Variants in DIO2 observed in about 807,000 individuals in gnomAD.
The protein encoded by DIO2 is iodothyronine deiodinase 2, also known as type II iodothyronine deiodinase.
A neutral mutation model predicts 21.4 loss-of-function variants in DIO2; 19 were observed. The observed-to-expected ratio is 0.89, with a 90% CI of 0.62 to 1.30. DIO2 has a LOEUF of 1.30. Among genes scored for constraint, DIO2 ranks in the 50% most tolerant of loss-of-function variants. The pLI, the probability that DIO2 is intolerant of heterozygous loss-of-function variation, is 0.00. For synonymous variants in DIO2, 122 were observed against 132.9 expected (o/e 0.92, Z 0.57); for missense variants, 302 against 338.1 (o/e 0.89, Z 0.84).
In DIO2 at chr14:80,207,969, C is replaced by A. The variant is rs530777541; in HGVS notation, c.222+3282G>T. On this transcript the variant is annotated intron_variant, in intron 1 of 1. Transcript: ENST00000438257. ...GGAGGAGGAGAATGTTAAAGAGACC[C>A]TTTCAAAACCAAAATTATATGTTCA... 2.0e-5 allele frequency among the ~76,000 whole-genome samples: 3 copies of A among 152,290 alleles called. No homozygotes were observed. The South Asian group carries it at 6.2e-4, about 32-fold the overall frequency.
intron 2 of DIO2, among the ~76,000 whole-genome samples, chr14:80,217,246 G>A (rs936804893): frequency 1.3e-5 from 2 of 152,186 alleles, no homozygotes; most frequent in Middle Eastern, 3.2e-3. Flanking sequence ...ACCAAGGGAG[G>A]TTATGAAAAT....
At chr14:80,221,337 T>A (rs572015027) in intron 2 of DIO2, among the ~76,000 whole-genome samples, 2 of 152,302 alleles carry the variant, frequency 1.3e-5, no homozygotes, top group South Asian at 2.1e-4. Context: ...GAAATAGAAA[T>A]TTTTCTCCAT....
intron 2 of DIO2, among the ~76,000 whole-genome samples, chr14:80,218,112 A>T: frequency 6.6e-6 from 1 of 152,222 alleles, no homozygotes; most frequent in East Asian, 1.9e-4. Context: ...TTCAATATAA[A>T]AAAAATCTTG....
chr14:80,216,166 G>T (rs1285934045), upstream of DIO2: 1 of 152,132 alleles, frequency 6.6e-6, no homozygotes, highest in Admixed American at 6.5e-5. Flanking sequence ...AAGACAGAGG[G>T]GGAGAAAAAG....
chr14:80,220,136 G>A (rs1240874861), intron 2 of DIO2, among the ~76,000 whole-genome samples: 1 of 151,892 alleles, frequency 6.6e-6, no homozygotes. Flanking sequence ...GTGCAGTGGC[G>A]CGATCTTGGC....
Position 80,211,328 on chromosome 14 carries a change from C to A in DIO2, c.145G>T (p.Gly49Ter). The part of the protein sequence containing the change: ...LLLSRSKSTR[G>*]EWRRMLTSEG... The stretch of plus-strand genomic sequence containing the variant: ...GAGGTCAGCATGCGCCGCCACTCTC[C>A]GCGAGTGGACTTGGAGCGGCTCAAC... Residue 49 changes from glycine to a stop codon, truncating the protein, a stop_gained, in exon 1 of 2, where the codon GGA becomes TGA. Coordinates refer to ENST00000438257, the MANE Select transcript of DIO2 (RefSeq NM_013989.5). LOFTEE classifies it high-confidence loss of function. 6.2e-7 allele frequency: 1 copy of A among 1,613,698 alleles called. No homozygotes were observed. Among genetic ancestry groups the A allele is most frequent in the Non-Finnish European group, 8.5e-7 (1 of 1,179,866 alleles).
upstream of DIO2, among the ~76,000 whole-genome samples, chr14:80,214,514 T>A (rs1256412131): frequency 6.6e-6 from 1 of 152,044 alleles, no homozygotes; most frequent in Non-Finnish European, 1.5e-5. Context: ...TGAAGGGAAT[T>A]TTTTTTTAAA....
chr14:80,224,109 A>G (rs10133463), intron 2 of DIO2, among the ~76,000 whole-genome samples: 24,122 of 152,126 alleles, frequency 0.16, 2,641 homozygotes, highest in East Asian at 0.31. Flanking sequence ...GTAGCATTAA[A>G]TCATGTAATC....
intron 1 of DIO2, among the ~76,000 whole-genome samples, chr14:80,209,167 G>T (rs912453925): frequency 6.6e-6 from 1 of 152,058 alleles, no homozygotes; most frequent in African/African-American, 2.4e-5. Context: ...AGACGTATTT[G>T]TTTGCTTTTC....
chr14:80,211,488 A>G lies in DIO2; in HGVS notation c.-16T>C. The G allele has an allele frequency of 6.9e-7, 1 of 1,439,862 alleles. No homozygotes were observed. Among genetic ancestry groups the G allele is most frequent in the Non-Finnish European group, 9.3e-7 (1 of 1,073,248 alleles). The allele number at this position is 1,439,862 out of a possible 1,614,324, so 89.2% of individuals were successfully genotyped here. A position where few individuals can be genotyped will look rare whatever the true frequency, so the allele number is the denominator to read the frequency against. On this transcript the variant is annotated 5_prime_UTR_variant, in exon 1 of 2. Coordinates refer to ENST00000438257, the MANE Select transcript of DIO2 (RefSeq NM_013989.5). ...GGATGCCCATCTTCTCTGCCTCCTG[A>G]GTCAGTTCCCTTGTGCGCTCTGGTT...
chr14:80,221,301 C>T (rs1888459903), intron 2 of DIO2, among the ~76,000 whole-genome samples: 1 of 152,160 alleles, frequency 6.6e-6, no homozygotes, highest in Non-Finnish European at 1.5e-5. Flanking sequence ...TGACAATCAT[C>T]TGTCAAGCTA....
At chr14:80,215,865 C>T (rs1390741840), upstream of DIO2, 1 of 152,272 alleles carries the variant, frequency 6.6e-6, no homozygotes, top group Non-Finnish European at 1.5e-5. Flanking sequence ...ACTCAAAATT[C>T]CCTGTGGGCC....
Position 80,198,625 on chromosome 14 carries a change from C to G in DIO2, c.*4064G>C, listed in dbSNP as rs1490527931. The stretch of plus-strand genomic sequence containing the variant: ...GCCTCAGGACATGACCAAGATTGTG[C>G]CCATTGCAAAGCAGAGATTGGTACT... On this transcript the variant is annotated 3_prime_UTR_variant, in exon 2 of 2. Transcript: ENST00000438257. 6.6e-6 allele frequency: 1 copy of G among 151,898 alleles called. No homozygotes were observed. Among genetic ancestry groups the G allele is most frequent in the African/African-American group, 2.4e-5 (1 of 41,332 alleles). 9.4% of individuals were successfully genotyped at this position (151,898 alleles called of 1,614,324 possible). A position where few individuals can be genotyped will look rare whatever the true frequency, so the allele number is the denominator to read the frequency against.
In DIO2 at chr14:80,202,164, A is replaced by G. The variant is rs1172875185; in HGVS notation, c.*525T>C. ...GCACTACATGGCTAGAAGCTGGAACATCAGAAATGACTCTAACATAAGGTC... is the reference window on the plus strand; with the variant it reads ...GCACTACATGGCTAGAAGCTGGAACGTCAGAAATGACTCTAACATAAGGTC... On this transcript the variant is annotated 3_prime_UTR_variant, in exon 2 of 2. Transcript: ENST00000438257. The G allele has an allele frequency of 2.7e-6, 1 of 365,068 alleles. No individual in the cohort carries two copies. The highest frequency in any genetic ancestry group is 2.1e-5 in the African/African-American group (1 of 46,996). The allele number at this position is 365,068 out of a possible 1,614,324, so 22.6% of individuals were successfully genotyped here. A position where few individuals can be genotyped will look rare whatever the true frequency, so the allele number is the denominator to read the frequency against.
At chr14:80,228,516 A>G (rs1472516621) in intron 2 of DIO2, among the ~76,000 whole-genome samples, 6 of 152,198 alleles carry the variant, frequency 3.9e-5, no homozygotes, top group Non-Finnish European at 8.8e-5. Flanking sequence ...TGCATCTTTC[A>G]AGCCCTTGAT....
chr14:80,206,177 C>A, intron 1 of DIO2: 1 of 1,150,054 alleles, frequency 8.7e-7, no homozygotes, highest in African/African-American at 1.6e-5. Context: ...AGAGAAAATG[C>A]ATAGATAAAA....
At chr14:80,228,647 C>T (rs1888625454) in intron 2 of DIO2, among the ~76,000 whole-genome samples, 1 of 152,192 alleles carries the variant, frequency 6.6e-6, no homozygotes, top group Admixed American at 6.5e-5. Flanking sequence ...AGCCCTCACC[C>T]TACCAGGCAG....
intron 3 of DIO2, chr14:80,216,636 C>T (rs1555354964): frequency 2.0e-5 from 3 of 151,712 alleles, no homozygotes; most frequent in Non-Finnish European, 4.4e-5. Flanking sequence ...CATTCATGAC[C>T]AAAAATAAAT....
chr14:80,216,391 A>T (rs552520439), upstream of DIO2, among the ~76,000 whole-genome samples: 18 of 150,360 alleles, frequency 1.2e-4, no homozygotes, highest in Non-Finnish European at 2.7e-4. Context: ...CAGAGGCCAC[A>T]GAACAGCTGT....
Sources: allele counts gnomAD v4.1 joint callset (sites outside exome capture counted in the v4.1 genomes callset), GRCh38; gene constraint gnomAD v4.1.1; transcripts MANE v1.5; gene names NCBI Gene and HGNC (gene_info 2026-07-23, HGNC 2026-07-21).